MYBPC2: variants seen among roughly 807,000 people sequenced by gnomAD.
MYBPC2 encodes myosin-binding protein C, fast-type.
In MYBPC2, 122 loss-of-function variants were observed where a neutral mutation model predicts 137.0. That is an observed-to-expected ratio of 0.89 (90% CI 0.77 to 1.03). MYBPC2 has a LOEUF of 1.03. Among genes scored for constraint, MYBPC2 ranks in the 50% least tolerant of loss-of-function variants. The pLI, the probability that MYBPC2 is intolerant of heterozygous loss-of-function variation, is 0.00. For missense variants in MYBPC2, 1,500 were observed against 1,534.4 expected, an observed-to-expected ratio of 0.98 and a Z score of 0.37; for synonymous variants, 626 against 612.3, an observed-to-expected ratio of 1.02 and a Z score of -0.33.
At chr19:50,458,812 C>A in intron 21 of MYBPC2, 58 bp downstream of exon 21, 1 of 1,601,008 alleles carries the variant, frequency 6.2e-7, no homozygotes, top group East Asian at 2.2e-5. Context: ...CCCGCCTGCC[C>A]TTTCCGTGTC....
chr19:50,459,086 A>G, intron 22 of MYBPC2, 25 bp from the exon 23 acceptor site: 1 of 1,260,396 alleles, frequency 7.9e-7, no homozygotes, highest in Non-Finnish European at 1.1e-6. Context: ...CGCTGACCCC[A>G]CCCCGCCCCG....
chr19:50,457,160 C>T (rs191393560), intron 20 of MYBPC2, among the ~76,000 whole-genome samples: 17 of 152,264 alleles, frequency 1.1e-4, no homozygotes, highest in African/African-American at 3.9e-4. Context: ...GGTACAGTGA[C>T]GATGTACTCG....
At position 50,458,530 on chromosome 19, in the gene MYBPC2, C is replaced by T. The variant is rs1021391753; in HGVS notation, c.2339-57C>T. 6.3e-6 allele frequency: 10 copies of T among 1,582,750 alleles called. No homozygotes were observed. In the African/African-American group the frequency reaches 9.4e-5, roughly 15 times the overall value. ...GTGGGGCCCAAGTCCCCGGGAGAAA[C>T]GGGAGCGGAGGATGGGAGGAGGGCA... On this transcript the variant is annotated intron_variant, in intron 20 of 27. Transcript: ENST00000357701.
chr19:50,462,135 A>G (rs1054045940), intron 26 of MYBPC2, 99 bp downstream of exon 26: 2 of 1,429,346 alleles, frequency 1.4e-6, no homozygotes, highest in Non-Finnish European at 1.8e-6. Context: ...TTCTTCCCCG[A>G]GTTCTCTGTC....
At position 50,433,105 on chromosome 19, in the gene MYBPC2, G is replaced by A. The variant is rs28516828; in HGVS notation, c.19+133G>A. ...GTGAGGAGGAGGCTCCCTTTGCTGT[G>A]CGGGATGGGGGTTCCCGCATCAGTT... On this transcript the variant is annotated intron_variant, in intron 1 of 27. Transcript: ENST00000357701. The A allele has an allele frequency of 0.011, 13,396 of 1,165,906 alleles. 1,137 individuals are homozygous for A. In the African/African-American group the frequency reaches 0.19, roughly 16 times the overall value. The allele number at this position is 1,165,906 out of a possible 1,614,324, so 72.2% of individuals were successfully genotyped here.
intron 13 of MYBPC2, among the ~76,000 whole-genome samples, chr19:50,450,272 T>A (rs1008332812): frequency 2.6e-5 from 4 of 152,168 alleles, no homozygotes; most frequent in African/African-American, 9.7e-5. Flanking sequence ...TTCTTTTCTT[T>A]TTTTGAGACA....
intron 24 of MYBPC2, 24 bp downstream of exon 24, chr19:50,460,203 G>A (rs2122617453): frequency 1.3e-6 from 2 of 1,587,648 alleles, no homozygotes; most frequent in Admixed American, 1.8e-5. Context: ...GGGGGAGATG[G>A]GGAAGAGCCG....
intron 7 of MYBPC2, among the ~76,000 whole-genome samples, chr19:50,440,380 C>T (rs1032013864): frequency 3.0e-4 from 43 of 143,912 alleles, no homozygotes; most frequent in Non-Finnish European, 4.9e-4. Flanking sequence ...AAATACTCTG[C>T]GGACCAGGCA....
In MYBPC2 at chr19:50,437,691, T is replaced by C; in HGVS notation, c.545T>C (p.Leu182Pro). Residue 182 changes from leucine (L) to proline (P), a missense_variant, in exon 7 of 28, where the codon CTG becomes CCG. Leu to Pro is a moderately conservative substitution (Grantham distance 98). Transcript: ENST00000357701. ...AAGAAGTCGGATACTGCAGGTGAGC[T>C]GGATTTCAGTGGCCTGTTGAAGAAG... ...SEKKSDTAGE[L>P]DFSGLLKKRE... The C allele has an allele frequency of 6.2e-7, 1 of 1,604,738 alleles. No individual in the cohort carries two copies. Among genetic ancestry groups the C allele is most frequent in the African/African-American group, 1.3e-5 (1 of 74,852 alleles).
At chr19:50,440,360 A>AAATAAATAAATAAATAAATG in intron 7 of MYBPC2, among the ~76,000 whole-genome samples, 1 of 151,524 alleles carries the variant, frequency 6.6e-6, no homozygotes, top group South Asian at 2.1e-4. Flanking sequence ...ATAAATAAAT[A>AAATAAATAAATAAATAAATG]AATGAAAAGA....
intron 12 of MYBPC2, 52 bp from the exon 13 acceptor site, chr19:50,448,173 C>A: frequency 6.4e-7 from 1 of 1,561,300 alleles, no homozygotes; most frequent in South Asian, 1.2e-5. Flanking sequence ...TCACAAGTGT[C>A]TGTGCACTGA....
intron 26 of MYBPC2, 84 bp from the exon 27 acceptor site, chr19:50,464,262 C>A: frequency 7.8e-7 from 1 of 1,289,700 alleles, no homozygotes; most frequent in Non-Finnish European, 1.1e-6. Context: ...GCCTAGAACC[C>A]AGATCGGCTT....
At chr19:50,439,316 C>T (rs2039730969) in intron 7 of MYBPC2, among the ~76,000 whole-genome samples, 2 of 151,124 alleles carry the variant, frequency 1.3e-5, no homozygotes, top group Admixed American at 1.3e-4. Context: ...ATCTGCCTCT[C>T]TTCCCACCCA....
rs762687756 is a variant in MYBPC2 at position 50,436,598 on chromosome 19, C to G, written c.346-19C>G. The G allele has an allele frequency of 1.2e-6, 2 of 1,606,938 alleles. No homozygotes were observed. Among genetic ancestry groups the G allele is most frequent in the East Asian group, 2.2e-5 (1 of 44,816 alleles). Reference sequence around the variant, plus strand: ...TAGAGGGTGGTCCCGTGCACCCACACCCCCGGCCCTGGACCCAGGTGTACA... The same window carrying G: ...TAGAGGGTGGTCCCGTGCACCCACAGCCCCGGCCCTGGACCCAGGTGTACA... On this transcript the variant is annotated intron_variant, in intron 4 of 27. Transcript: ENST00000357701.
At position 50,450,843 on chromosome 19, in the gene MYBPC2, T is replaced by A; in HGVS notation, c.1487T>A (p.Val496Glu). ...CCACCCCTTAGGTTCCACAAGCTGG[T>A]GATCGATGACGTCCGCCCCGAGGAT... is the stretch of plus-strand genomic sequence containing the variant. ...ISHVGRFHKL[V>E]IDDVRPEDEG... is the part of the protein sequence containing the mutation. Residue 496 changes from valine (V) to glutamate (E), a missense_variant, in exon 14 of 28, where the codon GTG becomes GAG. By Grantham distance (121) the Val-to-Glu change is moderately radical. Coordinates refer to ENST00000357701, the MANE Select transcript of MYBPC2 (RefSeq NM_004533.4). 1 of 1,570,682 alleles carries A rather than the reference T, an allele frequency of 6.4e-7. No homozygotes were observed. Among genetic ancestry groups the A allele is most frequent in the Non-Finnish European group, 8.6e-7 (1 of 1,158,090 alleles).
At chr19:50,457,680 G>T (rs1301686885) in intron 20 of MYBPC2, among the ~76,000 whole-genome samples, 4 of 126,424 alleles carry the variant, frequency 3.2e-5, no homozygotes, top group East Asian at 2.3e-4. Context: ...CCTGGGGAAA[G>T]TTTTTTTTTT....
In MYBPC2 at chr19:50,461,963, C is replaced by T. The variant is rs1374730036; in HGVS notation, c.3155C>T (p.Thr1052Ile). The T allele has an allele frequency of 6.3e-7, 1 of 1,587,308 alleles. No homozygotes were observed. The highest frequency in any genetic ancestry group is 8.6e-7 in the Non-Finnish European group (1 of 1,166,284). ...HDFRMAPKFL[T>I]PLIDRVVVAG... ...TTCCGGATGGCTCCCAAGTTCCTGA[C>T]ACCTCTCATAGACCGCGTGGTCGTG... Residue 1052 changes from threonine to isoleucine, a missense_variant, in exon 26 of 28, where the codon ACA becomes ATA. Thr to Ile is a moderately conservative substitution (Grantham distance 89). Transcript: ENST00000357701.
chr19:50,446,986 T>TAA (rs529228553), intron 12 of MYBPC2, among the ~76,000 whole-genome samples: 2,315 of 129,986 alleles, frequency 0.018, 70 homozygotes, highest in African/African-American at 0.059. Flanking sequence ...GACTCCGTCT[T>TAA]AAAAAAAAAA....
At chr19:50,437,162 GC>G (rs1451616983) in intron 5 of MYBPC2, among the ~76,000 whole-genome samples, 1 of 152,038 alleles carries the variant, frequency 6.6e-6, no homozygotes, top group Non-Finnish European at 1.5e-5. Context: ...GGGGTCTGCA[GC>G]CCAGAATGTG....
Sources: allele counts gnomAD v4.1 joint callset (sites outside exome capture counted in the v4.1 genomes callset), GRCh38; gene constraint gnomAD v4.1.1; transcripts MANE v1.5; gene names NCBI Gene and HGNC (gene_info 2026-07-23, HGNC 2026-07-21).